The following MYO1E variants were observed in gnomAD, a reference collection of about 807,000 sequenced individuals.
MYO1E encodes the protein unconventional myosin-Ie.
In MYO1E, 68 loss-of-function variants were observed where a neutral mutation model predicts 151.1. That is an observed-to-expected ratio of 0.45 (90% CI 0.37 to 0.55). MYO1E has a LOEUF of 0.55. MYO1E is among the 20% of genes least tolerant of loss of function. MYO1E has a pLI of 0.00. For synonymous variants in MYO1E, 601 were observed against 501.7 expected (o/e 1.20, Z -2.64); for missense variants, 1,363 against 1,389.3 (o/e 0.98, Z 0.30).
chr15:59,234,413 C>T (rs774400408), intron 5 of MYO1E, among the ~76,000 whole-genome samples: 2 of 152,066 alleles, frequency 1.3e-5, no homozygotes, highest in African/African-American at 2.4e-5. Flanking sequence ...GGTATAGGCA[C>T]GTCTGGCCCG....
At chr15:59,372,450 G>T in intron 1 of MYO1E, 48 bp downstream of exon 1, 1 of 1,536,436 alleles carries the variant, frequency 6.5e-7, no homozygotes, top group Non-Finnish European at 8.7e-7. Context: ...GGGGTTTCCT[G>T]CCCCGTCCCC....
At chr15:59,342,091 C>CTCATTGTAGTTT in intron 1 of MYO1E, among the ~76,000 whole-genome samples, 1 of 152,178 alleles carries the variant, frequency 6.6e-6, no homozygotes, top group East Asian at 1.9e-4. Context: ...GAGATGATAC[C>CTCATTGTAGTTT]TCATTGTAGT....
intron 17 of MYO1E, among the ~76,000 whole-genome samples, chr15:59,194,710 C>G (rs1596359827): frequency 6.6e-6 from 1 of 152,168 alleles, no homozygotes; most frequent in African/African-American, 2.4e-5. Flanking sequence ...ACAGTGGGAT[C>G]AGGCCTCTGA....
intron 24 of MYO1E, 56 bp downstream of exon 24, chr15:59,161,017 C>G: frequency 6.2e-7 from 1 of 1,606,634 alleles, no homozygotes. Flanking sequence ...AGCATTTGCT[C>G]GGGAGACTCG....
chr15:59,234,249 C>CACGG (rs2080047977), intron 5 of MYO1E, among the ~76,000 whole-genome samples: 1 of 142,078 alleles, frequency 7.0e-6, no homozygotes, highest in African/African-American at 2.7e-5. Context: ...TGGATGGGTG[C>CACGG]ATGGATGGAT....
chr15:59,201,109 A>AT (rs35652210), intron 16 of MYO1E, among the ~76,000 whole-genome samples: 66,948 of 144,296 alleles, frequency 0.46, 17,869 homozygotes, highest in Non-Finnish European at 0.63. Context: ...GACAAAAACT[A>AT]TTTTTTTTTT....
chr15:59,365,857 T>A (rs1190808080), intron 1 of MYO1E, among the ~76,000 whole-genome samples: 3 of 152,200 alleles, frequency 2.0e-5, no homozygotes, highest in African/African-American at 7.2e-5. Context: ...AGGCACAATG[T>A]AACTTCTGGA....
At chr15:59,228,033 A>G (rs2080002603) in intron 6 of MYO1E, among the ~76,000 whole-genome samples, 1 of 152,238 alleles carries the variant, frequency 6.6e-6, no homozygotes, top group East Asian at 1.9e-4. Context: ...GAACGGAAAC[A>G]CTTTATTAAA....
chr15:59,201,407 T>G (rs891958520), intron 16 of MYO1E, among the ~76,000 whole-genome samples: 1 of 150,952 alleles, frequency 6.6e-6, no homozygotes, highest in Non-Finnish European at 1.5e-5. Flanking sequence ...ACAGATTTTT[T>G]TTTTTTTTTT....
chr15:59,367,744 T>C (rs1169374884), intron 1 of MYO1E, among the ~76,000 whole-genome samples: 1 of 152,230 alleles, frequency 6.6e-6, no homozygotes, highest in African/African-American at 2.4e-5. Flanking sequence ...AAGGACACCA[T>C]GTTAAGACTT....
chr15:59,254,158 T>C (rs1356676488), intron 4 of MYO1E, among the ~76,000 whole-genome samples: 1 of 152,094 alleles, frequency 6.6e-6, no homozygotes, highest in Non-Finnish European at 1.5e-5. Flanking sequence ...TACTAATTAT[T>C]GAGGAATAAA....
At chr15:59,191,881 C>A (rs1435017375) in intron 17 of MYO1E, among the ~76,000 whole-genome samples, 1 of 152,136 alleles carries the variant, frequency 6.6e-6, no homozygotes, top group African/African-American at 2.4e-5. Context: ...TGTCCCTGGC[C>A]GTTTACTCAA....
At chr15:59,259,540 T>C (rs147812322) in intron 3 of MYO1E, among the ~76,000 whole-genome samples, 23 of 152,270 alleles carry the variant, frequency 1.5e-4, no homozygotes, top group African/African-American at 5.3e-4. Flanking sequence ...CATTTTGGGT[T>C]TCTGGTCTCA....
In MYO1E at chr15:59,170,774, C is replaced by G. The variant is rs150380027; in HGVS notation, c.2480+1123G>C. Among the ~76,000 whole-genome samples, 395 of 152,254 alleles carry G rather than the reference C, an allele frequency of 2.6e-3. 6 individuals are homozygous for G. In the Middle Eastern group the frequency reaches 0.037, roughly 14 times the overall value. ...TAGGAACAGATAGAATCAGAAACCA[C>G]AGAGACACAGGCAAGAATGGATGCA... On this transcript the variant is annotated intron_variant, in intron 22 of 27. Coordinates refer to ENST00000288235, the MANE Select transcript of MYO1E (RefSeq NM_004998.4).
At chr15:59,328,084 G>T (rs967562587) in intron 1 of MYO1E, among the ~76,000 whole-genome samples, 1 of 152,238 alleles carries the variant, frequency 6.6e-6, no homozygotes, top group South Asian at 2.1e-4. Flanking sequence ...CTCCATGGTG[G>T]GGGGGTTCCC....
chr15:59,226,856 A>G (rs2079994823), intron 7 of MYO1E, among the ~76,000 whole-genome samples: 2 of 152,312 alleles, frequency 1.3e-5, no homozygotes, highest in Non-Finnish European at 2.9e-5. Flanking sequence ...TGACTGCTGA[A>G]GCCTGTAACA....
chr15:59,372,443 GT>G, intron 1 of MYO1E, 54 bp downstream of exon 1: 1 of 1,536,198 alleles, frequency 6.5e-7, no homozygotes, highest in Non-Finnish European at 8.7e-7. Context: ...CCACGCCGGG[GT>G]TTCCTGCCCC....
At chr15:59,145,947 C>G (rs1056942457) in intron 26 of MYO1E, among the ~76,000 whole-genome samples, 1 of 152,230 alleles carries the variant, frequency 6.6e-6, no homozygotes, top group South Asian at 2.1e-4. Flanking sequence ...CTACCATCCT[C>G]AAGCTGCCCT....
In MYO1E at chr15:59,193,854, T is replaced by C. The variant is rs368433221; in HGVS notation, c.1805+1607A>G. Among the ~76,000 whole-genome samples, 5 of 152,148 alleles carry C rather than the reference T, an allele frequency of 3.3e-5. No individual in the cohort carries two copies. In the East Asian group the frequency reaches 7.7e-4, roughly 23 times the overall value. On this transcript the variant is annotated intron_variant, in intron 17 of 27. Transcript: ENST00000288235. ...GTAGAAGGAATCTGACTACATTAAA[T>C]TGAAAAATTTCAGAGATTCAATAGA...
Sources: gnomAD v4.1 joint callset for allele counts (sites outside exome capture counted in the v4.1 genomes callset) on GRCh38, gnomAD v4.1.1 for gene constraint, MANE v1.5 for transcripts, NCBI Gene and HGNC (gene_info 2026-07-23, HGNC 2026-07-21) for gene names.